PCDHGA8: variants seen among roughly 807,000 people sequenced by gnomAD.
The protein encoded by PCDHGA8 is protocadherin gamma subfamily A, 8, also known as protocadherin gamma-A8.
PCDHGA8 carries 45 observed loss-of-function variants against 59.2 expected under a neutral mutation model. That is an observed-to-expected ratio of 0.76 (90% CI 0.60 to 0.98). PCDHGA8 has a LOEUF of 0.98. PCDHGA8 is among the 50% of genes least tolerant of loss of function. The probability of loss-of-function intolerance (pLI) is 0.00; values close to 1 mark genes in which losing one functional copy is unlikely to be tolerated. For synonymous variants in PCDHGA8, 531 were observed against 519.0 expected, an observed-to-expected ratio of 1.02 and a Z score of -0.32; for missense variants, 1,257 against 1,196.2, an observed-to-expected ratio of 1.05 and a Z score of -0.75.
intron 1 of PCDHGA8, chr5:141,403,018 G>A (rs752656852): frequency 9.3e-6 from 15 of 1,613,966 alleles, no homozygotes; most frequent in South Asian, 1.1e-5. Context: ...TCCTGGGGAT[G>A]CTATGGGAGG....
At chr5:141,453,206 T>G (rs914064627) in intron 1 of PCDHGA8, among the ~76,000 whole-genome samples, 8 of 152,102 alleles carry the variant, frequency 5.3e-5, no homozygotes, top group African/African-American at 1.9e-4. Context: ...CTCAACCTCG[T>G]GCACTTAAGC....
chr5:141,504,541 C>G (rs1050153403), intron 2 of PCDHGA8, among the ~76,000 whole-genome samples: 2 of 151,728 alleles, frequency 1.3e-5, no homozygotes, highest in Non-Finnish European at 2.9e-5. Context: ...GTCATCATGG[C>G]AAATGTTGGG....
At chr5:141,497,468 G>A (rs912445126) in intron 2 of PCDHGA8, among the ~76,000 whole-genome samples, 10 of 151,996 alleles carry the variant, frequency 6.6e-5, no homozygotes, top group African/African-American at 2.4e-4. Flanking sequence ...GAGATATGGA[G>A]GAGAAGGTGC....
chr5:141,500,365 C>T (rs888624200), intron 2 of PCDHGA8, among the ~76,000 whole-genome samples: 5 of 151,956 alleles, frequency 3.3e-5, no homozygotes, highest in South Asian at 2.1e-4. Flanking sequence ...CCCACTACCA[C>T]GCCCGGCTAA....
chr5:141,404,116 G>A (rs751598967), intron 1 of PCDHGA8: 1 of 1,613,478 alleles, frequency 6.2e-7, no homozygotes, highest in East Asian at 2.2e-5. Flanking sequence ...CTATCCAGGA[G>A]AATCTATCTT....
intron 1 of PCDHGA8, chr5:141,412,932 T>A: frequency 2.2e-6 from 1 of 453,328 alleles, no homozygotes; most frequent in Non-Finnish European, 3.9e-6. Flanking sequence ...AGTAACTTCT[T>A]AGGACTCTGA....
chr5:141,414,642 C>A (rs547014431), intron 1 of PCDHGA8: 1 of 1,613,962 alleles, frequency 6.2e-7, no homozygotes, highest in Admixed American at 1.7e-5. Context: ...AAGAGAATGC[C>A]CAGATTATTT....
At position 141,489,876 on chromosome 5, in the gene PCDHGA8, T is replaced by C. The variant is rs2099693265; in HGVS notation, c.2425-4931T>C. ...CCCAGGCAAGACATCAGCTGGTGCT[T>C]ACTGCTGTGGATGGGGGGACCCCAG... On this transcript the variant is annotated intron_variant, in intron 1 of 3. Transcript: ENST00000398604. This position sits in a 1 kb window ranked among gnomAD's most constrained non-coding sequence, Gnocchi z 4.5. The C allele has an allele frequency of 6.2e-7, 1 of 1,614,098 alleles. No homozygotes were observed. The highest frequency in any genetic ancestry group is 1.1e-5 in the South Asian group (1 of 91,094).
At chr5:141,427,617 G>A (rs1295636754) in intron 1 of PCDHGA8, 3 of 694,694 alleles carry the variant, frequency 4.3e-6, no homozygotes, top group Admixed American at 2.0e-5. Flanking sequence ...TGAAGTCAAC[G>A]ACAATGCTCC....
rs553126235 is a variant in PCDHGA8 at position 141,473,346 on chromosome 5, G to A, written c.2425-21461G>A. Reference sequence around the variant, plus strand: ...AAGTGCCTGCTGTGCTAGACAGTGAGGATGCAAGTGGCCACCAAAATAGCA... The same window carrying A: ...AAGTGCCTGCTGTGCTAGACAGTGAAGATGCAAGTGGCCACCAAAATAGCA... On this transcript the variant is annotated intron_variant, in intron 1 of 3. Transcript: ENST00000398604. Among the ~76,000 whole-genome samples, 9 of 152,310 alleles carry A rather than the reference G, an allele frequency of 5.9e-5. No individual in the cohort carries two copies. The East Asian group carries it at 1.5e-3, about 26-fold the overall frequency.
chr5:141,456,968 A>AAAACAAAC (rs202005606), intron 1 of PCDHGA8, among the ~76,000 whole-genome samples: 1 of 152,282 alleles, frequency 6.6e-6, no homozygotes, highest in Admixed American at 6.5e-5. Flanking sequence ...ATCTCAAAAC[A>AAAACAAAC]AAACAAACAA....
At chr5:141,468,024 T>C (rs1386255481) in intron 1 of PCDHGA8, among the ~76,000 whole-genome samples, 1 of 152,046 alleles carries the variant, frequency 6.6e-6, no homozygotes, top group African/African-American at 2.4e-5. Flanking sequence ...TGAAGTAAAA[T>C]ACTTCATTTA....
At chr5:141,410,011 G>A in intron 1 of PCDHGA8, 1 of 1,613,302 alleles carries the variant, frequency 6.2e-7, no homozygotes, top group Non-Finnish European at 8.5e-7. Context: ...ACAACGCCTG[G>A]CTGTCCTACC....
intron 1 of PCDHGA8, chr5:141,414,590 G>A: frequency 6.2e-7 from 1 of 1,613,936 alleles, no homozygotes; most frequent in Non-Finnish European, 8.5e-7. Flanking sequence ...AACGCCAGGG[G>A]TGCCTCCATC....
chr5:141,493,679 G>C lies in PCDHGA8; in HGVS notation c.2425-1128G>C. On this transcript the variant is annotated intron_variant, in intron 1 of 3. Transcript: ENST00000398604. This position sits in a 1 kb window ranked among gnomAD's most constrained non-coding sequence, Gnocchi z 4.3. ...CCTTCTCCATGGCAGCCCCAGAATG[G>C]TGCTGGTGACTCCCGATACACCTGG... Among the ~76,000 whole-genome samples the C allele has an allele frequency of 6.6e-6, 1 of 152,198 alleles. No individual in the cohort carries two copies. Among genetic ancestry groups the C allele is most frequent in the African/African-American group, 2.4e-5 (1 of 41,446 alleles).
chr5:141,397,988 C>A, intron 1 of PCDHGA8: 2 of 1,327,490 alleles, frequency 1.5e-6, no homozygotes, highest in Non-Finnish European at 1.0e-6. Flanking sequence ...CTTTACACCG[C>A]TTCCTCCTCG....
chr5:141,460,467 AG>A (rs1303418429), intron 1 of PCDHGA8, among the ~76,000 whole-genome samples: 1 of 152,114 alleles, frequency 6.6e-6, no homozygotes, highest in African/African-American at 2.4e-5. Flanking sequence ...TTTTTTCCAA[AG>A]GAATATCCAA....
At chr5:141,448,948 A>AAAAC (rs1237948751) in intron 1 of PCDHGA8, among the ~76,000 whole-genome samples, 2 of 152,170 alleles carry the variant, frequency 1.3e-5, no homozygotes, top group African/African-American at 2.4e-5. Flanking sequence ...GCAACTCAAA[A>AAAAC]AAACAAACAA....
intron 1 of PCDHGA8, chr5:141,419,118 T>C: frequency 6.2e-7 from 1 of 1,613,806 alleles, no homozygotes; most frequent in South Asian, 1.1e-5. Context: ...GAGTACAACG[T>C]CACCATCGCA....
Sources: allele counts gnomAD v4.1 joint callset (sites outside exome capture counted in the v4.1 genomes callset), GRCh38; gene constraint gnomAD v4.1.1; non-coding constraint Gnocchi (gnomAD v3.1); transcripts MANE v1.5; gene names NCBI Gene and HGNC (gene_info 2026-07-23, HGNC 2026-07-21).